CFAP47: variants seen among roughly 807,000 people sequenced by gnomAD.
CFAP47 encodes cilia and flagella associated protein 47, also known as cilia- and flagella-associated protein 47.
CFAP47 carries 29 observed loss-of-function variants against 148.1 expected under a neutral mutation model. That is an observed-to-expected ratio of 0.20 (90% CI 0.15 to 0.27). CFAP47 has a LOEUF of 0.27. Among genes scored for constraint, CFAP47 ranks in the 10% least tolerant of loss-of-function variants. CFAP47 has a pLI of 1.00. For synonymous variants in CFAP47, 664 were observed against 577.3 expected, an observed-to-expected ratio of 1.15 and a Z score of -2.15; for missense variants, 1,872 against 1,697.5, an observed-to-expected ratio of 1.10 and a Z score of -1.81.
At position 36,346,608 on chromosome X, in the gene CFAP47, A is replaced by T. The variant is rs372737180; in HGVS notation, c.8444-1521A>T. On this transcript the variant is annotated intron_variant, in intron 57 of 63. Coordinates refer to ENST00000378653, the MANE Select transcript of CFAP47 (RefSeq NM_001304548.2). ...CACCTGTTATAGTCTAGAGAAACAT[A>T]TACGAGAAAATAAAGAATCAAAAAT... Among the ~76,000 whole-genome samples, 4 of 110,700 alleles carry T rather than the reference A, an allele frequency of 3.6e-5. No homozygotes were observed. In the South Asian group the frequency reaches 1.5e-3, roughly 42 times the overall value.
At chrX:36,258,126 A>G (rs1940775656) in intron 49 of CFAP47, among the ~76,000 whole-genome samples, 1 of 112,292 alleles carries the variant, frequency 8.9e-6, no homozygotes, top group Non-Finnish European at 1.9e-5. Context: ...GTTTATGTAT[A>G]GAGAACATTC....
intron 45 of CFAP47, among the ~76,000 whole-genome samples, chrX:36,226,842 G>A (rs143202625): frequency 3.0e-3 from 330 of 111,639 alleles, no homozygotes; most frequent in African/African-American, 0.01. Flanking sequence ...TGCAATGATT[G>A]TGTAGCATTA....
intron 29 of CFAP47, among the ~76,000 whole-genome samples, chrX:36,082,920 G>A: frequency 9.0e-6 from 1 of 111,343 alleles, no homozygotes; most frequent in Non-Finnish European, 1.9e-5. Context: ...ACATTTATGA[G>A]ATAATATATT....
intron 56 of CFAP47, among the ~76,000 whole-genome samples, chrX:36,317,560 C>T (rs1180410564): frequency 9.3e-6 from 1 of 107,068 alleles, no homozygotes; most frequent in Non-Finnish European, 1.9e-5. Context: ...CAGGCGCCCA[C>T]CACCACACCC....
chrX:36,044,120 C>A (rs922110472), intron 25 of CFAP47, among the ~76,000 whole-genome samples: 2 of 113,258 alleles, frequency 1.8e-5, no homozygotes, highest in Non-Finnish European at 3.7e-5. Flanking sequence ...CACAGGGTAC[C>A]AAGCCCTGAA....
At chrX:36,134,737 A>G (rs1406716360) in intron 33 of CFAP47, among the ~76,000 whole-genome samples, 2 of 111,164 alleles carry the variant, frequency 1.8e-5, no homozygotes, top group East Asian at 5.7e-4. Flanking sequence ...GGACTTTACC[A>G]TATTAAAATT....
chrX:36,300,744 C>G (rs1941290848), intron 52 of CFAP47, among the ~76,000 whole-genome samples: 1 of 112,226 alleles, frequency 8.9e-6, no homozygotes, highest in South Asian at 3.7e-4. Context: ...GACTTAGTCA[C>G]AGTTAAAAAG....
intron 60 of CFAP47, among the ~76,000 whole-genome samples, chrX:36,360,237 C>G (rs782157755): frequency 8.9e-6 from 1 of 111,786 alleles, no homozygotes; most frequent in Non-Finnish European, 1.9e-5. Flanking sequence ...TTTTTGACTG[C>G]TCCATAGACA....
At chrX:35,945,521 C>A (rs1936072732) in intron 3 of CFAP47, among the ~76,000 whole-genome samples, 1 of 111,299 alleles carries the variant, frequency 9.0e-6, no homozygotes, top group African/African-American at 3.3e-5. Context: ...CTTCTTTTTT[C>A]TTTGTCAATT....
chrX:36,041,882 C>T (rs1449154802), intron 25 of CFAP47, among the ~76,000 whole-genome samples: 4 of 100,502 alleles, frequency 4.0e-5, no homozygotes, highest in Admixed American at 1.1e-4. Flanking sequence ...GCCGAAATTG[C>T]GCCACTGCAC....
intron 29 of CFAP47, among the ~76,000 whole-genome samples, chrX:36,075,775 G>T (rs370264954): frequency 7.2e-5 from 8 of 111,398 alleles, no homozygotes; most frequent in East Asian, 5.7e-4. Context: ...ACAAGAGAGA[G>T]CATGCGGTAT....
chrX:36,156,838 A>C (rs754962858), intron 37 of CFAP47, among the ~76,000 whole-genome samples: 6 of 111,315 alleles, frequency 5.4e-5, no homozygotes, highest in Non-Finnish European at 1.1e-4. Context: ...AATTTAAAAA[A>C]TAATTACCTA....
intron 22 of CFAP47, 69 bp from the exon 23 acceptor site, chrX:36,031,184 T>C: frequency 7.2e-6 from 2 of 279,538 alleles, no homozygotes; most frequent in South Asian, 4.4e-4. Context: ...TGTTTTAAAG[T>C]ATACTAAAAA....
At chrX:35,927,609 GTGTGTGTGTA>G (rs1226242621) in intron 2 of CFAP47, among the ~76,000 whole-genome samples, 1 of 110,427 alleles carries the variant, frequency 9.1e-6, no homozygotes, top group Non-Finnish European at 1.9e-5. Flanking sequence ...GTGTGTGTGT[GTGTGTGTGTA>G]TGTGTGTGTG....
intron 29 of CFAP47, among the ~76,000 whole-genome samples, chrX:36,074,667 T>C (rs1937814876): frequency 9.0e-6 from 1 of 111,458 alleles, no homozygotes; most frequent in Non-Finnish European, 1.9e-5. Context: ...TAATATGGTA[T>C]ATATATGTAC....
intron 45 of CFAP47, among the ~76,000 whole-genome samples, chrX:36,227,296 G>C (rs1343094108): frequency 1.8e-5 from 2 of 111,392 alleles, no homozygotes; most frequent in Non-Finnish European, 3.8e-5. Flanking sequence ...GAACTTGTTG[G>C]ATGTAATACA....
chrX:36,312,193 A>AGCT (rs1175930291), intron 56 of CFAP47, among the ~76,000 whole-genome samples: 2 of 110,868 alleles, frequency 1.8e-5, no homozygotes, highest in East Asian at 5.7e-4. Flanking sequence ...GTAAAGGAAG[A>AGCT]GCTGAACAGG....
At position 36,181,083 on chromosome X, in the gene CFAP47, A is replaced by G. The variant is rs767482315; in HGVS notation, c.6104+1661A>G. 1.3e-4 allele frequency among the ~76,000 whole-genome samples: 15 copies of G among 111,871 alleles called. No homozygotes were observed. The South Asian group carries it at 4.8e-3, about 36-fold the overall frequency. On this transcript the variant is annotated intron_variant, in intron 40 of 63. Coordinates refer to ENST00000378653, the MANE Select transcript of CFAP47 (RefSeq NM_001304548.2). ...GACTTCAAATAACTTCTTCACTTTA[A>G]TTGTGTAAAATTTATAGTATATGGT... is the stretch of plus-strand genomic sequence containing the variant.
At chrX:36,380,159 T>A (rs983511009) in intron 63 of CFAP47, among the ~76,000 whole-genome samples, 1 of 112,295 alleles carries the variant, frequency 8.9e-6, no homozygotes, top group Admixed American at 9.5e-5. Flanking sequence ...AAAAGGTATC[T>A]ATTACCACTG....
Sources: allele counts gnomAD v4.1 joint callset (sites outside exome capture counted in the v4.1 genomes callset), GRCh38; gene constraint gnomAD v4.1.1; transcripts MANE v1.5; gene names NCBI Gene and HGNC (gene_info 2026-07-23, HGNC 2026-07-21).